EP400: variants seen among roughly 807,000 people sequenced by gnomAD.
EP400 encodes the protein E1A-binding protein p400.
A neutral mutation model predicts 354.1 loss-of-function variants in EP400; 105 were observed. The ratio of observed to expected loss-of-function variants is 0.30; its 90% CI spans 0.25 to 0.35. The LOEUF (loss-of-function observed/expected upper bound fraction) is 0.35. Ranked by LOEUF, EP400 falls within the 10% of genes least tolerant of loss-of-function variation. EP400 has a pLI of 1.00. For synonymous variants in EP400, 1,646 were observed against 1,716.9 expected, an observed-to-expected ratio of 0.96 and a Z score of 1.02; for missense variants, 3,280 against 4,121.0, an observed-to-expected ratio of 0.80 and a Z score of 5.59.
chr12:131,970,983 C>T (rs1188243131), intron 2 of EP400, among the ~76,000 whole-genome samples: 2 of 152,132 alleles, frequency 1.3e-5, no homozygotes, highest in African/African-American at 4.8e-5. Flanking sequence ...GCTGTAGGGT[C>T]ACTTGAGACC....
intron 30 of EP400, among the ~76,000 whole-genome samples, chr12:132,036,308 A>G (rs762204661): frequency 4.7e-5 from 7 of 150,482 alleles, no homozygotes; most frequent in African/African-American, 1.7e-4. Flanking sequence ...TCGTGGAAGC[A>G]CACACCCAGG....
intron 2 of EP400, chr12:131,963,601 A>G (rs376712101): frequency 2.5e-6 from 4 of 1,598,424 alleles, no homozygotes; most frequent in Non-Finnish European, 3.4e-6. Flanking sequence ...GCTTCCGCCA[A>G]AGGTTTCTGC....
At position 131,991,435 on chromosome 12, in the gene EP400, C is replaced by T. The variant is rs528177371; in HGVS notation, c.2658C>T (p.Asp886=). The T allele has an allele frequency of 4.3e-5, 70 of 1,614,010 alleles. No homozygotes were observed. The highest frequency in any genetic ancestry group is 2.9e-4 in the South Asian group (26 of 91,060). Residue 886 remains aspartate (D), a synonymous_variant, in exon 10 of 53, where the codon GAC becomes GAT. Coordinates refer to ENST00000389561, the MANE Select transcript of EP400 (RefSeq NM_015409.5). ...RGKELRPKGF[D]ALQESSLDSG... Reference sequence around the variant, plus strand: ...AAGAATTGAGACCTAAAGGATTTGACGCATTACAGGAAAGTTCTCTGGTAA... The same window carrying T: ...AAGAATTGAGACCTAAAGGATTTGATGCATTACAGGAAAGTTCTCTGGTAA...
intron 10 of EP400, among the ~76,000 whole-genome samples, 163 bp from the exon 11 acceptor site, chr12:131,992,010 C>T (rs1184697779): frequency 4.6e-5 from 7 of 152,292 alleles, no homozygotes; most frequent in African/African-American, 1.7e-4. Flanking sequence ...TGATCATGTC[C>T]TCGCTCCCCC....
At chr12:131,970,199 C>T (rs527749306) in intron 2 of EP400, among the ~76,000 whole-genome samples, 1 of 152,328 alleles carries the variant, frequency 6.6e-6, no homozygotes, top group African/African-American at 2.4e-5. Context: ...TGCATTAGAA[C>T]AGTAGGACAA....
At chr12:132,030,179 A>C in intron 29 of EP400, 21 bp downstream of exon 29, 1 of 1,613,224 alleles carries the variant, frequency 6.2e-7, no homozygotes, top group African/African-American at 1.3e-5. Context: ...CATTGTTTAC[A>C]TTGTCTCTGA....
At position 132,054,213 on chromosome 12, in the gene EP400, A is replaced by T. The variant is rs1366396154; in HGVS notation, c.7728+616A>T. On this transcript the variant is annotated intron_variant, in intron 43 of 52. Coordinates refer to ENST00000389561, the MANE Select transcript of EP400 (RefSeq NM_015409.5). This position sits in a 1 kb window ranked among gnomAD's most constrained non-coding sequence, Gnocchi z 4.0. Reference sequence around the variant, plus strand: ...ACCTGCAGAGAATAGGAGCTGTGCCAAATTGGGGAAACCCACACTTTGGAC... The same window carrying T: ...ACCTGCAGAGAATAGGAGCTGTGCCTAATTGGGGAAACCCACACTTTGGAC... Among the ~76,000 whole-genome samples the T allele has an allele frequency of 6.6e-6, 1 of 152,272 alleles. No homozygotes were observed. The highest frequency in any genetic ancestry group is 1.5e-5 in the Non-Finnish European group (1 of 68,046).
At position 132,011,952 on chromosome 12, in the gene EP400, C is replaced by CT. The variant is rs144079448; in HGVS notation, c.3441+319dup. On this transcript the variant is annotated intron_variant, in intron 16 of 52. Coordinates refer to ENST00000389561, the MANE Select transcript of EP400 (RefSeq NM_015409.5). Reference sequence around the variant, plus strand: ...GTGCAACACTTTCCCCCTGGAGGCCCTGCTGGCTTCCACAGGCACAGAGGA... The same window carrying CT: ...GTGCAACACTTTCCCCCTGGAGGCCCTTGCTGGCTTCCACAGGCACAGAGGA... Among the ~76,000 whole-genome samples, 1,085 of 152,346 alleles carry CT rather than the reference C, an allele frequency of 7.1e-3. 35 individuals are homozygous for CT. The South Asian group carries it at 0.094, about 13-fold the overall frequency.
intron 1 of EP400, among the ~76,000 whole-genome samples, chr12:131,953,227 T>C (rs1026852789): frequency 3.3e-5 from 5 of 152,176 alleles, no homozygotes; most frequent in Admixed American, 1.3e-4. Context: ...GAGAAACTTA[T>C]ACAGATGTTC....
In EP400 at chr12:132,079,281, G is replaced by T. The variant is rs747146992; in HGVS notation, c.*1608G>T. ...AAAACCAAGCTTTGAAGAAACAGAA[G>T]AAATTAATCTTTTAGTTAGTTGAAC... is the stretch of plus-strand genomic sequence containing the variant. On this transcript the variant is annotated 3_prime_UTR_variant, in exon 53 of 53. Transcript: ENST00000389561. 5 of 152,236 alleles carry T rather than the reference G, an allele frequency of 3.3e-5. No individual in the cohort carries two copies. Among genetic ancestry groups the T allele is most frequent in the Non-Finnish European group, 5.9e-5 (4 of 68,032 alleles). The allele number at this position is 152,236 out of a possible 1,614,324, so 9.4% of individuals were successfully genotyped here. A position where few individuals can be genotyped will look rare whatever the true frequency, so the allele number is the denominator to read the frequency against.
chr12:132,069,554 G>A lies in EP400; in HGVS notation c.8934G>A (p.Gln2978=), dbSNP rs1029198936. The change falls in exon 51 of 53, where the codon CAG becomes CAA. Residue 2978 remains glutamine, a synonymous_variant. Coordinates refer to ENST00000389561, the MANE Select transcript of EP400 (RefSeq NM_015409.5). The part of the protein sequence containing the change: ...GAQQKVAYAA[Q]PALKTQFLTT... ...AGCAGAAGGTTGCCTACGCCGCGCA[G>A]CCGGCCCTTAAGACCCAGTTTCTTA... 1.2e-6 allele frequency: 2 copies of A among 1,614,244 alleles called. No homozygotes were observed. Among genetic ancestry groups the A allele is most frequent in the African/African-American group, 2.7e-5 (2 of 75,068 alleles).
At chr12:132,021,712 T>G (rs1894128910) in intron 23 of EP400, among the ~76,000 whole-genome samples, 1 of 152,230 alleles carries the variant, frequency 6.6e-6, no homozygotes, top group Admixed American at 6.5e-5. Context: ...GGAAGGTCGC[T>G]TCCTTGCCAG....
chr12:131,990,331 T>C lies in EP400; in HGVS notation c.2550+227T>C, dbSNP rs940581114. 2.1e-4 allele frequency among the ~76,000 whole-genome samples: 32 copies of C among 152,172 alleles called. No homozygotes were observed. Among genetic ancestry groups the C allele is most frequent in the African/African-American group, 7.7e-4 (32 of 41,446 alleles). On this transcript the variant is annotated intron_variant, in intron 8 of 52. Transcript: ENST00000389561. This position sits in a 1 kb window ranked among gnomAD's most constrained non-coding sequence, Gnocchi z 4.2. ...CCTCAGCTGTGGCTGCCCTCTGAGG[T>C]GCTTCATGCCGTGGAGGGGCTCTGG... is the stretch of plus-strand genomic sequence containing the variant.
intron 2 of EP400, chr12:131,963,743 C>A (rs73162974): frequency 2.4e-6 from 2 of 844,696 alleles, no homozygotes; most frequent in Non-Finnish European, 3.6e-6. Flanking sequence ...CATTTTTTTT[C>A]CAGAGCCCAT....
At chr12:132,073,116 A>T (rs1896112395) in intron 51 of EP400, among the ~76,000 whole-genome samples, 1 of 151,866 alleles carries the variant, frequency 6.6e-6, no homozygotes, top group African/African-American at 2.4e-5. Context: ...TTGTCTGTAT[A>T]TAAGGTTGGG....
intron 12 of EP400, among the ~76,000 whole-genome samples, chr12:131,995,329 G>T (rs1057225073): frequency 6.6e-6 from 1 of 151,006 alleles, no homozygotes; most frequent in South Asian, 2.1e-4. Context: ...TGAATGTACC[G>T]TTCATCTTGA....
At position 132,049,973 on chromosome 12, in the gene EP400, G is replaced by A. The variant is rs75314412; in HGVS notation, c.7201-350G>A. 2.9e-3 allele frequency among the ~76,000 whole-genome samples: 447 copies of A among 152,290 alleles called. 4 individuals are homozygous for A. The highest frequency in any genetic ancestry group is 0.01 in the African/African-American group (433 of 41,568). ...TCCGCGCTGCCCCTTGGTGTTAGCGGGTGAAGGCTCACAGCCCGCTCCACA... is the reference window on the plus strand; with the variant it reads ...TCCGCGCTGCCCCTTGGTGTTAGCGAGTGAAGGCTCACAGCCCGCTCCACA... On this transcript the variant is annotated intron_variant, in intron 39 of 52. Transcript: ENST00000389561.
Position 132,029,633 on chromosome 12 carries a change from A to G in EP400, c.5382-68A>G. The stretch of plus-strand genomic sequence containing the variant: ...CTGTCAGAAGTCTGCCCCATCTTTC[A>G]GGAGCCCCCATGCTGGGTGAAGGTG... On this transcript the variant is annotated intron_variant, in intron 27 of 52. Coordinates refer to ENST00000389561, the MANE Select transcript of EP400 (RefSeq NM_015409.5). The surrounding 1 kb of genome is among the most constrained non-coding windows in gnomAD (Gnocchi z 4.7). 2 of 1,533,980 alleles carry G rather than the reference A, an allele frequency of 1.3e-6. No homozygotes were observed. The highest frequency in any genetic ancestry group is 1.8e-6 in the Non-Finnish European group (2 of 1,120,146).
chr12:132,047,490 C>T (rs527692147), intron 39 of EP400, among the ~76,000 whole-genome samples: 17 of 152,222 alleles, frequency 1.1e-4, no homozygotes, highest in East Asian at 3.9e-4. Context: ...CATCACATGT[C>T]GGCAGGTTCC....
Sources: gnomAD v4.1 joint callset for allele counts (sites outside exome capture counted in the v4.1 genomes callset) on GRCh38, gnomAD v4.1.1 for gene constraint, Gnocchi (gnomAD v3.1) non-coding constraint, MANE v1.5 for transcripts, NCBI Gene and HGNC (gene_info 2026-07-23, HGNC 2026-07-21) for gene names.